The following IL17RA variants were observed in gnomAD, a reference collection of about 807,000 sequenced individuals.
IL17RA encodes interleukin-17 receptor A.
Under a neutral mutation model 50.4 loss-of-function variants are expected in IL17RA, and 34 were observed. The observed-to-expected ratio is 0.67, with a 90% confidence interval of 0.51 to 0.90. The LOEUF is 0.90. IL17RA is among the 40% of genes least tolerant of loss of function. The probability of loss-of-function intolerance (pLI) is 0.00; values close to 1 mark genes in which losing one functional copy is unlikely to be tolerated. For synonymous variants in IL17RA, 585 were observed against 510.4 expected (o/e 1.15, Z -1.97); for missense variants, 1,276 against 1,169.8 (o/e 1.09, Z -1.32).
chr22:17,098,013 A>C, intron 3 of IL17RA, 70 bp downstream of exon 3: 2 of 1,586,928 alleles, frequency 1.3e-6, no homozygotes, highest in Non-Finnish European at 1.7e-6. Context: ...AGTCAGGCTC[A>C]GGATTGGGCT....
rs1337048325 is a variant in IL17RA at position 17,112,435 on chromosome 22, G to C, written c.*2615G>C. ...CCCAAAAGAAATCCAGCCCCCCTTA[G>C]TCACCACCCCAACCTCCCCATCCCT... On this transcript the variant is annotated 3_prime_UTR_variant, in exon 13 of 13. Transcript: ENST00000319363. 1 of 151,250 alleles carries C rather than the reference G, an allele frequency of 6.6e-6. No homozygotes were observed. Among genetic ancestry groups the C allele is most frequent in the African/African-American group, 2.4e-5 (1 of 41,032 alleles). 9.4% of individuals were successfully genotyped at this position (151,250 alleles called of 1,614,324 possible). A position where few individuals can be genotyped will look rare whatever the true frequency, so the allele number is the denominator to read the frequency against.
chr22:17,089,119 GAC>G (rs1182391175), intron 1 of IL17RA, among the ~76,000 whole-genome samples: 2 of 151,924 alleles, frequency 1.3e-5, no homozygotes. Flanking sequence ...TTTTAGTAGA[GAC>G]AGGGTTTCAC....
rs938715196 is a variant in IL17RA at position 17,114,687 on chromosome 22, G to A, written c.*4867G>A. 1 of 152,174 alleles carries A rather than the reference G, an allele frequency of 6.6e-6. No homozygotes were observed. The highest frequency in any genetic ancestry group is 2.4e-5 in the African/African-American group (1 of 41,426). The allele number at this position is 152,174 out of a possible 1,614,324, so 9.4% of individuals were successfully genotyped here. On this transcript the variant is annotated 3_prime_UTR_variant, in exon 13 of 13. Coordinates refer to ENST00000319363, the MANE Select transcript of IL17RA (RefSeq NM_014339.7). ...GCCGCCTCTGCTCACCAGTGTCATG[G>A]GATTCTCTCAGAAGATGAAAACAGC...
rs1358603788 is a variant in IL17RA, at chr22:17,085,100, C to A, written c.9C>A (p.Ala3=). Residue 3 remains alanine (A), a synonymous_variant, in exon 1 of 13, where the codon GCC becomes GCA. Coordinates refer to ENST00000319363, the MANE Select transcript of IL17RA (RefSeq NM_014339.7). Reference sequence around the variant, plus strand: ...GCGACGCCAGCCGGGCCATGGGGGCCGCACGCAGCCCGCCGTCCGCTGTCC... The same window carrying A: ...GCGACGCCAGCCGGGCCATGGGGGCAGCACGCAGCCCGCCGTCCGCTGTCC... The part of the protein sequence containing the change: MG[A]ARSPPSAVPG... 29 of 1,357,878 alleles carry A rather than the reference C, an allele frequency of 2.1e-5. No homozygotes were observed. The highest frequency in any genetic ancestry group is 3.6e-5 in the Admixed American group (1 of 27,404). 84.1% of individuals were successfully genotyped at this position (1,357,878 alleles called of 1,614,324 possible).
Position 17,085,238 on chromosome 22 carries a change from C to G in IL17RA, c.138+9C>G, listed in dbSNP as rs1473211418. 6.5e-7 allele frequency: 1 copy of G among 1,538,328 alleles called. No individual in the cohort carries two copies. The highest frequency in any genetic ancestry group is 8.7e-7 in the Non-Finnish European group (1 of 1,146,144). On this transcript the variant is annotated intron_variant, in intron 1 of 12. Coordinates refer to ENST00000319363, the MANE Select transcript of IL17RA (RefSeq NM_014339.7). ...TGGTCTGCTCCCAGCCGGTGAGACT[C>G]GACGTGGGGAGCGGTAGCCGCCAGG...
rs950704936 is a variant in IL17RA at position 17,111,754 on chromosome 22, G to A, written c.*1934G>A. The A allele has an allele frequency of 1.3e-5, 2 of 152,204 alleles. No individual in the cohort carries two copies. The highest frequency in any genetic ancestry group is 2.9e-5 in the Non-Finnish European group (2 of 68,032). 9.4% of individuals were successfully genotyped at this position (152,204 alleles called of 1,614,324 possible). On this transcript the variant is annotated 3_prime_UTR_variant, in exon 13 of 13. Transcript: ENST00000319363. ...TGTGTGTGCGCACACATACATGTGC[G>A]TGAAAGATTATCAATAAAAGTGCAT... is the stretch of plus-strand genomic sequence containing the variant.
intron 1 of IL17RA, chr22:17,094,019 T>C (rs2061356953): frequency 1.2e-5 from 1 of 85,268 alleles, no homozygotes; most frequent in Non-Finnish European, 3.3e-5. Flanking sequence ...AGTCTCGCTC[T>C]GTCGCCCAGG....
At chr22:17,102,112 C>T in intron 6 of IL17RA, 27 bp from the exon 7 acceptor site, 2 of 1,614,190 alleles carry the variant, frequency 1.2e-6, no homozygotes, top group Non-Finnish European at 1.7e-6. Context: ...CCTCCTCACT[C>T]CCAGCCTGCG....
In IL17RA at chr22:17,109,272, C is replaced by A. The variant is rs1484059759; in HGVS notation, c.2053C>A (p.Pro685Thr). ...GALVAAVEPG[P>T]LADGAAVRLA... ...CCTGGTGGCCGCGGTGGAGCCTGGGCCCCTGGCTGACGGTGCCGCAGTCCG... is the reference window on the plus strand; with the variant it reads ...CCTGGTGGCCGCGGTGGAGCCTGGGACCCTGGCTGACGGTGCCGCAGTCCG... The change falls in exon 13 of 13, where the codon CCC (proline) becomes ACC (threonine). Residue 685 changes from proline (P) to threonine (T), a missense_variant. Coordinates refer to ENST00000319363, the MANE Select transcript of IL17RA (RefSeq NM_014339.7). 6 of 1,509,400 alleles carry A rather than the reference C, an allele frequency of 4.0e-6. No individual in the cohort carries two copies. Among genetic ancestry groups the A allele is most frequent in the South Asian group, 2.5e-5 (2 of 79,454 alleles). The allele number at this position is 1,509,400 out of a possible 1,614,324, so 93.5% of individuals were successfully genotyped here.
chr22:17,091,194 G>A (rs2061346599), intron 1 of IL17RA, among the ~76,000 whole-genome samples: 1 of 152,210 alleles, frequency 6.6e-6, no homozygotes, highest in Middle Eastern at 3.4e-3. Context: ...TATGAGGGAT[G>A]GATATAGACA....
chr22:17,094,691 C>CTCTCTCTCTATATATATA (rs1448096911), intron 1 of IL17RA, among the ~76,000 whole-genome samples: 4 of 24,704 alleles, frequency 1.6e-4, no homozygotes, highest in African/African-American at 4.5e-4. Flanking sequence ...CTCTCTCTCT[C>CTCTCTCTCTATATATATA]TATATATATA....
chr22:17,100,309 G>T (rs41424146), intron 4 of IL17RA, 46 bp from the exon 5 acceptor site: 1 of 1,612,006 alleles, frequency 6.2e-7, no homozygotes, highest in Non-Finnish European at 8.5e-7. Flanking sequence ...ATGGGTGACA[G>T]AGGTGTGTGT....
chr22:17,097,151 C>T (rs2061371320), intron 2 of IL17RA, 65 bp downstream of exon 2: 3 of 1,484,510 alleles, frequency 2.0e-6, no homozygotes, highest in Non-Finnish European at 1.9e-6. Context: ...CTGCTGCCAA[C>T]TTCTGACAGA....
Position 17,107,713 on chromosome 22 carries a change from CT to C in IL17RA, c.1046-10del. On this transcript the variant is annotated splice_polypyrimidine_tract_variant and intron_variant, in intron 11 of 12. Coordinates refer to ENST00000319363, the MANE Select transcript of IL17RA (RefSeq NM_014339.7). ...CCCAAAGAACCACTCCAGTGTATTT[CT>C]TTTCCTTTCCAGGGCCTGGAAGTGA... The C allele has an allele frequency of 6.2e-7, 1 of 1,610,998 alleles. No homozygotes were observed. Among genetic ancestry groups the C allele is most frequent in the South Asian group, 1.1e-5 (1 of 91,036 alleles).
chr22:17,092,250 G>T (rs2061350733), intron 1 of IL17RA, among the ~76,000 whole-genome samples: 1 of 152,186 alleles, frequency 6.6e-6, no homozygotes, highest in Admixed American at 6.5e-5. Flanking sequence ...TGGAAGCTTT[G>T]TACTCCTTCT....
Position 17,112,002 on chromosome 22 carries a change from C to T in IL17RA, c.*2182C>T, listed in dbSNP as rs1407600809. 1.3e-5 allele frequency: 2 copies of T among 152,180 alleles called. No homozygotes were observed. The highest frequency in any genetic ancestry group is 4.8e-5 in the African/African-American group (2 of 41,416). The allele number at this position is 152,180 out of a possible 1,614,324, so 9.4% of individuals were successfully genotyped here. On this transcript the variant is annotated 3_prime_UTR_variant, in exon 13 of 13. Coordinates refer to ENST00000319363, the MANE Select transcript of IL17RA (RefSeq NM_014339.7). Reference sequence around the variant, plus strand: ...GGAGCAGAAGCCTCCCAGCCACTAGCCTTTTGGGCTCAGTCTCTCCAATAA... The same window carrying T: ...GGAGCAGAAGCCTCCCAGCCACTAGTCTTTTGGGCTCAGTCTCTCCAATAA...
intron 1 of IL17RA, among the ~76,000 whole-genome samples, chr22:17,086,079 G>T (rs895334106): frequency 6.6e-6 from 1 of 152,144 alleles, no homozygotes; most frequent in Non-Finnish European, 1.5e-5. Context: ...GCGCCCACAG[G>T]AAGTGACCCA....
Position 17,113,371 on chromosome 22 carries a change from A to G in IL17RA, c.*3551A>G, listed in dbSNP as rs936243315. ...CTGTGCCCGGCTAATTTGTGTGTAT[A>G]TATTTTGTAGAAATGGGGTTTCACC... On this transcript the variant is annotated 3_prime_UTR_variant, in exon 13 of 13. Transcript: ENST00000319363. The G allele has an allele frequency of 2.0e-5, 3 of 152,122 alleles. No individual in the cohort carries two copies. Among genetic ancestry groups the G allele is most frequent in the Non-Finnish European group, 4.4e-5 (3 of 68,052 alleles). 9.4% of individuals were successfully genotyped at this position (152,122 alleles called of 1,614,324 possible). A position where few individuals can be genotyped will look rare whatever the true frequency, so the allele number is the denominator to read the frequency against.
Position 17,115,234 on chromosome 22 carries a change from G to A in IL17RA, c.*5414G>A, listed in dbSNP as rs2061462575. 1 of 152,252 alleles carries A rather than the reference G, an allele frequency of 6.6e-6. No homozygotes were observed. Among genetic ancestry groups the A allele is most frequent in the Non-Finnish European group, 1.5e-5 (1 of 68,050 alleles). The allele number at this position is 152,252 out of a possible 1,614,324, so 9.4% of individuals were successfully genotyped here. A position where few individuals can be genotyped will look rare whatever the true frequency, so the allele number is the denominator to read the frequency against. On this transcript the variant is annotated 3_prime_UTR_variant, in exon 13 of 13. Coordinates refer to ENST00000319363, the MANE Select transcript of IL17RA (RefSeq NM_014339.7). ...TACATCCGCTCCAGGGAGAAATGAA[G>A]ACATGGTCCTACGTTGTTCTGTAAT...
Sources: gnomAD v4.1 joint callset for allele counts (sites outside exome capture counted in the v4.1 genomes callset) on GRCh38, gnomAD v4.1.1 for gene constraint, MANE v1.5 for transcripts, NCBI Gene and HGNC (gene_info 2026-07-23, HGNC 2026-07-21) for gene names.